The following NELL1 variants were observed in gnomAD, a reference collection of about 807,000 sequenced individuals.
NELL1 encodes neural EGFL like 1.
Under a neutral mutation model 107.4 loss-of-function variants are expected in NELL1, and 76 were observed. The observed-to-expected ratio is 0.71, with a 90% CI of 0.59 to 0.86. The LOEUF (loss-of-function observed/expected upper bound fraction) is 0.86. Ranked by LOEUF, NELL1 falls within the 40% of genes least tolerant of loss-of-function variation. The pLI, the probability that NELL1 is intolerant of heterozygous loss-of-function variation, is 0.00. For synonymous variants in NELL1, 353 were observed against 341.2 expected (o/e 1.03, Z -0.38); for missense variants, 1,024 against 1,005.5 (o/e 1.02, Z -0.25).
intron 14 of NELL1, among the ~76,000 whole-genome samples, chr11:21,324,369 T>G (rs4506644): frequency 5.9e-5 from 9 of 152,030 alleles, no homozygotes; most frequent in Admixed American, 2.0e-4. Context: ...TCAAAAATTA[T>G]TGGATAAAAA....
intron 15 of NELL1, among the ~76,000 whole-genome samples, chr11:21,512,748 A>C (rs1855469562): frequency 6.6e-6 from 1 of 152,168 alleles, no homozygotes. Context: ...CCACATAGGC[A>C]GTAAAGAACA....
At chr11:20,840,327 A>T (rs1848598377) in intron 3 of NELL1, among the ~76,000 whole-genome samples, 1 of 152,176 alleles carries the variant, frequency 6.6e-6, no homozygotes, top group African/African-American at 2.4e-5. Context: ...AGAGTGTTCC[A>T]GTTTCTATTG....
At chr11:21,293,374 C>T (rs1466319857) in intron 14 of NELL1, among the ~76,000 whole-genome samples, 1 of 152,154 alleles carries the variant, frequency 6.6e-6, no homozygotes, top group Non-Finnish European at 1.5e-5. Context: ...ATCAAGATCA[C>T]AGTGAGATAC....
At chr11:21,487,968 C>CA (rs1427589423) in intron 15 of NELL1, among the ~76,000 whole-genome samples, 1 of 151,908 alleles carries the variant, frequency 6.6e-6, no homozygotes, top group Non-Finnish European at 1.5e-5. Context: ...AGAATCAATG[C>CA]AAAAATAGAA....
intron 15 of NELL1, among the ~76,000 whole-genome samples, chr11:21,484,578 G>A (rs145523133): frequency 1.2e-4 from 18 of 151,484 alleles, no homozygotes; most frequent in African/African-American, 2.4e-5. Flanking sequence ...ATACATATAT[G>A]GATATGTATA....
intron 12 of NELL1, among the ~76,000 whole-genome samples, chr11:21,057,414 A>C (rs1405615849): frequency 5.3e-5 from 8 of 152,042 alleles, no homozygotes; most frequent in Non-Finnish European, 1.2e-4. Context: ...CAAGTGTCTT[A>C]AAATGTTGCA....
intron 15 of NELL1, among the ~76,000 whole-genome samples, chr11:21,478,006 A>C (rs1399618546): frequency 2.6e-5 from 4 of 152,030 alleles, no homozygotes; most frequent in Admixed American, 2.6e-4. Flanking sequence ...CACTGCTATA[A>C]AGATACTACC....
At chr11:20,769,570 C>G (rs554022457) in intron 2 of NELL1, 2 of 152,364 alleles carry the variant, frequency 1.3e-5, no homozygotes, top group East Asian at 3.9e-4. Context: ...AGAACATACT[C>G]CACAAATACA....
At chr11:20,716,949 C>G (rs1855266105) in intron 2 of NELL1, among the ~76,000 whole-genome samples, 1 of 152,194 alleles carries the variant, frequency 6.6e-6, no homozygotes, top group African/African-American at 2.4e-5. Flanking sequence ...TCATTTCACT[C>G]TCCATTTTTC....
chr11:20,864,865 C>A (rs185503340), intron 4 of NELL1, among the ~76,000 whole-genome samples: 258 of 152,336 alleles, frequency 1.7e-3, no homozygotes, highest in African/African-American at 6.1e-3. Flanking sequence ...TGCTTGGATT[C>A]CTTCCCTGTT....
In NELL1 at chr11:21,420,524, GAGAA is replaced by G. The variant is rs562684980; in HGVS notation, c.1645+49582_1645+49585del. The stretch of plus-strand genomic sequence containing the variant: ...AAAGTTAAGTATCTGCAGAGTTACT[GAGAA>G]AGAAACTTGGAAAGACCTGGGAATT... On this transcript the variant is annotated intron_variant, in intron 15 of 19. Coordinates refer to ENST00000357134, the MANE Select transcript of NELL1 (RefSeq NM_006157.5). Among the ~76,000 whole-genome samples the G allele has an allele frequency of 4.9e-4, 74 of 152,282 alleles. 1 individual carries two copies. The South Asian group carries it at 0.014, about 29-fold the overall frequency.
intron 3 of NELL1, among the ~76,000 whole-genome samples, chr11:20,800,955 A>AAAAC (rs963736974): frequency 6.6e-6 from 1 of 152,232 alleles, no homozygotes; most frequent in Non-Finnish European, 1.5e-5. Flanking sequence ...ACAATTAAAA[A>AAAAC]AAACAAACAA....
At chr11:20,721,931 G>C (rs1019266171) in intron 2 of NELL1, among the ~76,000 whole-genome samples, 4 of 152,268 alleles carry the variant, frequency 2.6e-5, no homozygotes, top group African/African-American at 9.6e-5. Context: ...AGTTGGTGCA[G>C]GCTTTGTATT....
chr11:20,736,722 A>G (rs934323467), intron 2 of NELL1, among the ~76,000 whole-genome samples: 1 of 151,088 alleles, frequency 6.6e-6, no homozygotes, highest in Admixed American at 6.6e-5. Flanking sequence ...TAATTTCTGG[A>G]CCCCTACCCT....
At chr11:20,980,256 C>T (rs766431429) in intron 12 of NELL1, among the ~76,000 whole-genome samples, 4 of 151,988 alleles carry the variant, frequency 2.6e-5, no homozygotes, top group African/African-American at 4.8e-5. Flanking sequence ...GTGTTGGGTG[C>T]GTTTACGTAT....
chr11:21,314,957 A>G lies in NELL1; in HGVS notation c.1550-55896A>G, dbSNP rs184968007. Among the ~76,000 whole-genome samples, 1,088 of 152,130 alleles carry G rather than the reference A, an allele frequency of 7.2e-3. 12 individuals are homozygous for G. The highest frequency in any genetic ancestry group is 0.024 in the African/African-American group (1,010 of 41,486). ...CTGCAACCTCCACCTCCTGGGTTCA[A>G]ATGATTCTTCTGCCTCAGCCTCCCA... On this transcript the variant is annotated intron_variant, in intron 14 of 19. Coordinates refer to ENST00000357134, the MANE Select transcript of NELL1 (RefSeq NM_006157.5).
Position 21,569,703 on chromosome 11 carries a change from T to C in NELL1, c.1981-1061T>C, listed in dbSNP as rs185641112. Among the ~76,000 whole-genome samples, 27 of 151,896 alleles carry C rather than the reference T, an allele frequency of 1.8e-4. No homozygotes were observed. In the East Asian group the frequency reaches 4.9e-3, roughly 28 times the overall value. On this transcript the variant is annotated intron_variant, in intron 17 of 19. Coordinates refer to ENST00000357134, the MANE Select transcript of NELL1 (RefSeq NM_006157.5). ...GAAGGTATGGATTCGGGTCAATGGATAGAAGTAATGAGAAGTCTGATTTTT... is the reference window on the plus strand; with the variant it reads ...GAAGGTATGGATTCGGGTCAATGGACAGAAGTAATGAGAAGTCTGATTTTT...
chr11:20,836,068 T>C (rs1174122462), intron 3 of NELL1, among the ~76,000 whole-genome samples: 1 of 151,978 alleles, frequency 6.6e-6, no homozygotes, highest in African/African-American at 2.4e-5. Flanking sequence ...TAAGAACAAT[T>C]GAAACTCAAC....
chr11:20,703,712 C>G lies in NELL1; in HGVS notation c.184+25652C>G, dbSNP rs187878417. ...GATTCTGGTATGTTGTGTCTTTGTT[C>G]TCACTGGTTTCAGAGAACATCTTTA... On this transcript the variant is annotated intron_variant, in intron 2 of 19. Coordinates refer to ENST00000357134, the MANE Select transcript of NELL1 (RefSeq NM_006157.5). Among the ~76,000 whole-genome samples, 514 of 152,238 alleles carry G rather than the reference C, an allele frequency of 3.4e-3. 3 individuals are homozygous for G. Among genetic ancestry groups the G allele is most frequent in the Middle Eastern group, 6.8e-3 (2 of 294 alleles).
Sources: allele counts gnomAD v4.1 joint callset (sites outside exome capture counted in the v4.1 genomes callset), GRCh38; gene constraint gnomAD v4.1.1; transcripts MANE v1.5; gene names NCBI Gene and HGNC (gene_info 2026-07-23, HGNC 2026-07-21).